Variants in ANK3 observed in about 807,000 individuals in gnomAD.
The protein encoded by ANK3 is ankyrin-3.
In ANK3, 57 loss-of-function variants were observed where a neutral mutation model predicts 370.9. The ratio of observed to expected loss-of-function variants is 0.15; its 90% CI spans 0.12 to 0.19. The LOEUF (loss-of-function observed/expected upper bound fraction) is 0.19. Among genes scored for constraint, ANK3 ranks in the 10% least tolerant of loss-of-function variants. The pLI, the probability that ANK3 is intolerant of heterozygous loss-of-function variation, is 1.00. For synonymous variants in ANK3, 1,929 were observed against 1,946.3 expected, an observed-to-expected ratio of 0.99 and a Z score of 0.23; for missense variants, 4,439 against 5,302.1, an observed-to-expected ratio of 0.84 and a Z score of 5.06.
chr10:60,130,374 C>T (rs2093994978), intron 25 of ANK3, among the ~76,000 whole-genome samples: 1 of 151,602 alleles, frequency 6.6e-6, no homozygotes, highest in African/African-American at 2.4e-5. Context: ...GGCAACTGTA[C>T]TTTGTATGAG....
intron 1 of ANK3, among the ~76,000 whole-genome samples, chr10:60,699,531 A>T (rs2133415576): frequency 6.6e-6 from 1 of 152,206 alleles, no homozygotes; most frequent in South Asian, 2.1e-4. Flanking sequence ...CCAATAAAAA[A>T]ATTCTTAGCA....
intron 26 of ANK3, among the ~76,000 whole-genome samples, chr10:60,113,490 C>T (rs1159223181): frequency 6.6e-6 from 1 of 152,164 alleles, no homozygotes; most frequent in Non-Finnish European, 1.5e-5. Flanking sequence ...GGGCAGATTG[C>T]TTAAGCTCAG....
At chr10:60,430,560 C>G (rs193101579) in intron 2 of ANK3, among the ~76,000 whole-genome samples, 20 of 152,258 alleles carry the variant, frequency 1.3e-4, no homozygotes, top group Admixed American at 1.3e-3. Flanking sequence ...GGGGTGCTAT[C>G]AATAACTGCA....
At chr10:60,128,970 CA>C (rs2093923505) in intron 25 of ANK3, among the ~76,000 whole-genome samples, 1 of 152,154 alleles carries the variant, frequency 6.6e-6, no homozygotes, top group African/African-American at 2.4e-5. Context: ...ATAATTACAT[CA>C]GAAGAAATGA....
intron 25 of ANK3, among the ~76,000 whole-genome samples, chr10:60,129,069 T>C (rs73261160): frequency 0.086 from 13,079 of 152,248 alleles, 1,846 homozygotes; most frequent in African/African-American, 0.3. Context: ...TGGAGAGGAA[T>C]GGAATGTTTC....
Position 60,665,244 on chromosome 10 carries a change from T to A in ANK3, c.58-50020A>T, listed in dbSNP as rs185442134. 2.0e-5 allele frequency among the ~76,000 whole-genome samples: 3 copies of A among 152,118 alleles called. No homozygotes were observed. In the South Asian group the frequency reaches 6.2e-4, roughly 32 times the overall value. On this transcript the variant is annotated intron_variant, in intron 1 of 43. Transcript: ENST00000373827. ...TTAAGCATATTAATATTTAAAGAAA[T>A]ATACAAGGGTAATATTGTCCACTCT...
chr10:60,147,970 A>C (rs574147194), intron 23 of ANK3, among the ~76,000 whole-genome samples: 234 of 152,320 alleles, frequency 1.5e-3, no homozygotes, highest in Non-Finnish European at 2.1e-3. Context: ...AGTTGAGAAA[A>C]TAGTTAAATA....
At chr10:60,448,585 T>C (rs1211266018) in intron 2 of ANK3, among the ~76,000 whole-genome samples, 1 of 152,234 alleles carries the variant, frequency 6.6e-6, no homozygotes, top group African/African-American at 2.4e-5. Context: ...GATAACCTGG[T>C]AGGATAGAAT....
chr10:60,668,461 A>G (rs1358750094), intron 1 of ANK3, among the ~76,000 whole-genome samples: 1 of 151,976 alleles, frequency 6.6e-6, no homozygotes, highest in Non-Finnish European at 1.5e-5. Flanking sequence ...GCTTTACAAT[A>G]TAAAGATCTG....
At chr10:60,546,616 A>G (rs972232575) in intron 2 of ANK3, among the ~76,000 whole-genome samples, 2 of 152,120 alleles carry the variant, frequency 1.3e-5, no homozygotes, top group African/African-American at 2.4e-5. Context: ...CAACTGCTCT[A>G]TTTATTCCTG....
rs1451703670 is a variant in ANK3, at chr10:60,123,050, C to G, written c.2842-8719G>C. ...GTTTGAGTTGTCAGAACCTATTAGC[C>G]CTGAGAGTAATGGAGCCATTTGACA... is the stretch of plus-strand genomic sequence containing the variant. On this transcript the variant is annotated intron_variant, in intron 25 of 43. Coordinates refer to ENST00000280772, the MANE Select transcript of ANK3 (RefSeq NM_020987.5). Among the ~76,000 whole-genome samples, 5 of 152,160 alleles carry G rather than the reference C, an allele frequency of 3.3e-5. No individual in the cohort carries two copies. The East Asian group carries it at 5.8e-4, about 18-fold the overall frequency.
In ANK3 at chr10:60,083,567, T is replaced by C. The variant is rs145870583; in HGVS notation, c.4125A>G (p.Pro1375=). The C allele has an allele frequency of 6.2e-7, 1 of 1,611,640 alleles. No individual in the cohort carries two copies. Among genetic ancestry groups the C allele is most frequent in the Non-Finnish European group, 8.5e-7 (1 of 1,178,796 alleles). ...CAAGTTGCTGTCCTCCTTTGGTAAG[T>C]GGGGCCAAATTTCCATAACAATCAA... ...IYVDCYGNLA[P]LTKGGQQLVF... is the part of the protein sequence containing the mutation. Residue 1375 remains proline (P), a synonymous_variant, in exon 33 of 44, where the codon CCA becomes CCG. Transcript: ENST00000280772.
chr10:60,356,442 G>A (rs940878328), intron 1 of ANK3, among the ~76,000 whole-genome samples: 1 of 152,130 alleles, frequency 6.6e-6, no homozygotes, highest in African/African-American at 2.4e-5. Context: ...GGCATCTACT[G>A]GCTTGAGGAG....
intron 1 of ANK3, among the ~76,000 whole-genome samples, chr10:60,337,917 C>T (rs2053396354): frequency 1.3e-5 from 2 of 152,054 alleles, no homozygotes; most frequent in Non-Finnish European, 2.9e-5. Context: ...TGAATTTATC[C>T]CATTATCTGA....
At chr10:60,213,562 G>C (rs1183633633) in intron 8 of ANK3, 52 bp from the exon 9 acceptor site, 2 of 1,257,826 alleles carry the variant, frequency 1.6e-6, no homozygotes, top group Non-Finnish European at 2.3e-6. Flanking sequence ...AATTCTATGA[G>C]TGCAGTGTAC....
intron 1 of ANK3, among the ~76,000 whole-genome samples, chr10:60,387,441 C>T (rs192817884): frequency 2.2e-3 from 250 of 114,562 alleles, no homozygotes; most frequent in African/African-American, 7.4e-3. Context: ...TAACTTTGTA[C>T]ATTACAAGTA....
intron 4 of ANK3, among the ~76,000 whole-genome samples, chr10:60,272,312 C>A (rs1592835353): frequency 6.6e-6 from 1 of 151,962 alleles, no homozygotes; most frequent in African/African-American, 2.4e-5. Flanking sequence ...AGCAACAAAA[C>A]AAGAAAAGAA....
At chr10:60,287,794 A>C (rs1275280135) in intron 1 of ANK3, among the ~76,000 whole-genome samples, 1 of 152,172 alleles carries the variant, frequency 6.6e-6, no homozygotes, top group African/African-American at 2.4e-5. Context: ...AGTTCTGTGA[A>C]GCCCAAAAGT....
intron 1 of ANK3, among the ~76,000 whole-genome samples, chr10:60,280,708 T>C (rs901234513): frequency 1.3e-5 from 2 of 152,196 alleles, no homozygotes; most frequent in African/African-American, 4.8e-5. Flanking sequence ...AAAAACATCT[T>C]GTCACCAGTT....
Sources: allele counts gnomAD v4.1 joint callset (sites outside exome capture counted in the v4.1 genomes callset), GRCh38; gene constraint gnomAD v4.1.1; transcripts MANE v1.5; gene names NCBI Gene and HGNC (gene_info 2026-07-23, HGNC 2026-07-21).